NIPBL: variants seen among roughly 807,000 people sequenced by gnomAD.
NIPBL encodes the protein NIPBL cohesin loading factor.
Under a neutral mutation model 321.8 loss-of-function variants are expected in NIPBL, and 19 were observed. That is an observed-to-expected ratio of 0.06 (90% confidence interval 0.04 to 0.09). The LOEUF is 0.09. Ranked by LOEUF, NIPBL falls within the 10% of genes least tolerant of loss-of-function variation. The probability of loss-of-function intolerance (pLI) is 1.00; values close to 1 mark genes in which losing one functional copy is unlikely to be tolerated. For missense variants in NIPBL, 2,210 were observed against 3,327.0 expected (o/e 0.66, Z 8.26); for synonymous variants, 1,106 against 1,114.1 (o/e 0.99, Z 0.14).
At chr5:36,984,199 A>G (rs1744476573) in intron 9 of NIPBL, among the ~76,000 whole-genome samples, 1 of 151,982 alleles carries the variant, frequency 6.6e-6, no homozygotes, top group South Asian at 2.1e-4. Flanking sequence ...TATCTTAGAT[A>G]CAGTAAAAAC....
At chr5:37,031,795 A>G (rs1251578412) in intron 32 of NIPBL, among the ~76,000 whole-genome samples, 1 of 152,270 alleles carries the variant, frequency 6.6e-6, no homozygotes, top group Non-Finnish European at 1.5e-5. Context: ...TAATACATAC[A>G]GCAACATAGA....
At chr5:37,012,921 C>T (rs1748346201) in intron 21 of NIPBL, among the ~76,000 whole-genome samples, 1 of 152,240 alleles carries the variant, frequency 6.6e-6, no homozygotes, top group South Asian at 2.1e-4. Flanking sequence ...CACCTTTCCC[C>T]CTTTTCTATT....
chr5:36,955,743 T>C, intron 3 of NIPBL, 106 bp downstream of exon 3: 1 of 853,078 alleles, frequency 1.2e-6, no homozygotes, highest in South Asian at 1.4e-5. Context: ...ACATAGTTTA[T>C]TTTTTAAAAA....
At chr5:36,931,047 A>G (rs1269354843) in intron 1 of NIPBL, among the ~76,000 whole-genome samples, 2 of 152,168 alleles carry the variant, frequency 1.3e-5, no homozygotes, top group Non-Finnish European at 2.9e-5. Context: ...CAGCTGGGAA[A>G]TATTCTCTAG....
intron 29 of NIPBL, among the ~76,000 whole-genome samples, chr5:37,022,654 A>G (rs1198673367): frequency 6.6e-6 from 1 of 152,212 alleles, no homozygotes; most frequent in African/African-American, 2.4e-5. Context: ...CAATGAGTAG[A>G]TGATAGGAAC....
At chr5:36,951,424 G>A (rs866929242) in intron 1 of NIPBL, among the ~76,000 whole-genome samples, 4 of 152,120 alleles carry the variant, frequency 2.6e-5, no homozygotes, top group South Asian at 2.1e-4. Flanking sequence ...GGCAGTGTAC[G>A]TGTACAACAG....
At chr5:36,891,661 A>G (rs183852340) in intron 1 of NIPBL, among the ~76,000 whole-genome samples, 1 of 152,312 alleles carries the variant, frequency 6.6e-6, no homozygotes, top group East Asian at 1.9e-4. Flanking sequence ...GAAGGAGTGG[A>G]TATGCCTTAC....
At chr5:36,952,602 A>G (rs770888231) in intron 1 of NIPBL, among the ~76,000 whole-genome samples, 3 of 152,224 alleles carry the variant, frequency 2.0e-5, no homozygotes, top group African/African-American at 7.2e-5. Flanking sequence ...ACAGAATAAC[A>G]AAGTGTTCAG....
chr5:36,925,535 G>A (rs1360932285), intron 1 of NIPBL, among the ~76,000 whole-genome samples: 5 of 151,906 alleles, frequency 3.3e-5, no homozygotes, highest in Non-Finnish European at 7.4e-5. Flanking sequence ...CAAAGTTCTG[G>A]TATTAAAGGC....
intron 4 of NIPBL, among the ~76,000 whole-genome samples, chr5:36,958,857 G>A (rs1741277384): frequency 6.6e-6 from 1 of 152,090 alleles, no homozygotes; most frequent in African/African-American, 2.4e-5. Context: ...AAATAGGGCA[G>A]GAATAGCTTG....
chr5:36,985,489 A>G lies in NIPBL; in HGVS notation c.2309A>G (p.Lys770Arg). The G allele has an allele frequency of 6.2e-7, 1 of 1,613,682 alleles. No homozygotes were observed. The highest frequency in any genetic ancestry group is 8.5e-7 in the Non-Finnish European group (1 of 1,179,940). The change falls in exon 10 of 47, where the codon AAG becomes AGG. Residue 770 changes from lysine to arginine, a missense_variant. Around this residue, in one of 14 missense-constraint regions of NIPBL, gnomAD observed 588 missense variants for 564.1 expected, o/e 1.04. Transcript: ENST00000282516. ...CATGACAATAGGAGGGATTCTGGAA[A>G]GCCATCTACAGAGAAAAAACCTGAA... ...HRHDNRRDSG[K>R]PSTEKKPEVS...
chr5:36,966,868 T>C (rs1742265200), intron 6 of NIPBL, among the ~76,000 whole-genome samples: 1 of 152,004 alleles, frequency 6.6e-6, no homozygotes, highest in Non-Finnish European at 1.5e-5. Context: ...GTCATAAAAT[T>C]ATAAGAAAAA....
chr5:36,934,183 G>T (rs1263439359), intron 1 of NIPBL, among the ~76,000 whole-genome samples: 1 of 152,010 alleles, frequency 6.6e-6, no homozygotes. Flanking sequence ...ACATTCTCTA[G>T]CAGTGTTATA....
intron 1 of NIPBL, among the ~76,000 whole-genome samples, chr5:36,938,120 C>G (rs182992719): frequency 6.6e-6 from 1 of 152,076 alleles, no homozygotes; most frequent in Admixed American, 6.6e-5. Context: ...TTTTAGTGGG[C>G]GTGACATGAC....
intron 1 of NIPBL, among the ~76,000 whole-genome samples, chr5:36,894,319 ATAAAG>A (rs1746565360): frequency 6.6e-6 from 1 of 152,098 alleles, no homozygotes; most frequent in African/African-American, 2.4e-5. Flanking sequence ...GAAACCGCAG[ATAAAG>A]TGAAGTATCC....
intron 1 of NIPBL, among the ~76,000 whole-genome samples, chr5:36,879,474 C>T (rs2149513222): frequency 6.6e-6 from 1 of 152,258 alleles, no homozygotes; most frequent in East Asian, 1.9e-4. Flanking sequence ...TTAAATACGT[C>T]ATTTTTAAAG....
At chr5:36,961,618 C>T in intron 5 of NIPBL, 35 bp downstream of exon 5, 3 of 1,232,310 alleles carry the variant, frequency 2.4e-6, no homozygotes, top group Non-Finnish European at 3.6e-6. Flanking sequence ...TAAATATTGT[C>T]TTGTATGGTG....
intron 1 of NIPBL, among the ~76,000 whole-genome samples, chr5:36,938,483 A>G (rs1231113109): frequency 1.3e-5 from 2 of 152,118 alleles, no homozygotes; most frequent in African/African-American, 4.8e-5. Flanking sequence ...CTAATTATGT[A>G]ATTTTTTGAG....
intron 42 of NIPBL, among the ~76,000 whole-genome samples, chr5:37,053,157 G>A (rs989126246): frequency 6.6e-6 from 1 of 152,150 alleles, no homozygotes; most frequent in African/African-American, 2.4e-5. Context: ...TCTTTGTGGG[G>A]TGAACATCTT....
Sources: gnomAD v4.1 joint callset for allele counts (sites outside exome capture counted in the v4.1 genomes callset) on GRCh38, gnomAD v4.1.1 for gene constraint, gnomAD v4.1.1 regional missense constraint, MANE v1.5 for transcripts, NCBI Gene and HGNC (gene_info 2026-07-23, HGNC 2026-07-21) for gene names.